Variants in GALNTL6 observed in about 807,000 individuals in gnomAD.
GALNTL6 encodes polypeptide N-acetylgalactosaminyltransferase like 6.
In GALNTL6, 46 loss-of-function variants were observed where a neutral mutation model predicts 73.7. That is an observed-to-expected ratio of 0.62 (90% CI 0.49 to 0.80). The LOEUF is 0.80. GALNTL6 is among the 30% of genes least tolerant of loss of function. The pLI is 0.00. For synonymous variants in GALNTL6, 259 were observed against 263.7 expected, an observed-to-expected ratio of 0.98 and a Z score of 0.17; for missense variants, 604 against 755.0, an observed-to-expected ratio of 0.80 and a Z score of 2.34.
At chr4:172,556,019 C>G (rs1304186615) in intron 5 of GALNTL6, among the ~76,000 whole-genome samples, 2 of 152,110 alleles carry the variant, frequency 1.3e-5, no homozygotes, top group South Asian at 2.1e-4. Flanking sequence ...TTTAAATTTG[C>G]AAACTCAACA....
At chr4:172,219,430 C>T (rs1279755808) in intron 2 of GALNTL6, among the ~76,000 whole-genome samples, 1 of 151,310 alleles carries the variant, frequency 6.6e-6, no homozygotes, top group East Asian at 1.9e-4. Flanking sequence ...ATTAATATGC[C>T]ATTCAATTCC....
chr4:172,521,537 C>T (rs181826100), intron 5 of GALNTL6, among the ~76,000 whole-genome samples: 2 of 152,234 alleles, frequency 1.3e-5, no homozygotes, highest in Admixed American at 6.5e-5. Context: ...TTAGAGCAGC[C>T]AATTCTCAGA....
chr4:172,982,565 G>A (rs1351811931), intron 10 of GALNTL6, among the ~76,000 whole-genome samples: 4 of 152,150 alleles, frequency 2.6e-5, no homozygotes, highest in Non-Finnish European at 4.4e-5. Context: ...CAATTAGTGT[G>A]GGGCTTTCAC....
intron 5 of GALNTL6, among the ~76,000 whole-genome samples, chr4:172,740,379 G>T (rs1736726910): frequency 6.6e-6 from 1 of 152,146 alleles, no homozygotes; most frequent in African/African-American, 2.4e-5. Context: ...TTGCAGCATG[G>T]CTGCCTTCAC....
intron 5 of GALNTL6, among the ~76,000 whole-genome samples, chr4:172,476,040 C>T (rs1224811321): frequency 6.6e-6 from 1 of 152,180 alleles, no homozygotes; most frequent in African/African-American, 2.4e-5. Flanking sequence ...CCTCAAGCAC[C>T]AGTAGTTCCT....
At chr4:172,210,034 A>G (rs1736273137) in intron 2 of GALNTL6, among the ~76,000 whole-genome samples, 2 of 152,108 alleles carry the variant, frequency 1.3e-5, no homozygotes, top group South Asian at 4.1e-4. Context: ...AAGAATGAAT[A>G]ATGTTGACAA....
chr4:172,691,622 T>C lies in GALNTL6; in HGVS notation c.554-117739T>C, dbSNP rs1459454443. Among the ~76,000 whole-genome samples the C allele has an allele frequency of 2.0e-5, 3 of 152,242 alleles. No individual in the cohort carries two copies. In the East Asian group the frequency reaches 5.8e-4, roughly 29 times the overall value. On this transcript the variant is annotated intron_variant, in intron 5 of 12. Transcript: ENST00000506823. ...ATGTCTGGAGGGCCCACAGAGATGG[T>C]CAGGCAAGGCAGATGACTCTGCCCC...
At chr4:171,876,170 G>A (rs1339234857) in intron 2 of GALNTL6, among the ~76,000 whole-genome samples, 1 of 151,690 alleles carries the variant, frequency 6.6e-6, no homozygotes, top group Non-Finnish European at 1.5e-5. Flanking sequence ...CATTTTAAAA[G>A]TAGAAATGGC....
intron 2 of GALNTL6, among the ~76,000 whole-genome samples, chr4:172,191,248 T>A (rs1419591240): frequency 6.6e-6 from 1 of 152,236 alleles, no homozygotes; most frequent in Non-Finnish European, 1.5e-5. Flanking sequence ...ATCAAACACC[T>A]ATGTCATCCA....
intron 7 of GALNTL6, among the ~76,000 whole-genome samples, chr4:172,815,792 G>A (rs1741570192): frequency 6.6e-6 from 1 of 152,124 alleles, no homozygotes; most frequent in Non-Finnish European, 1.5e-5. Flanking sequence ...GTCAAAATTT[G>A]CATTCATCTA....
chr4:172,246,802 T>TTATA (rs35337142), intron 3 of GALNTL6, among the ~76,000 whole-genome samples: 1,883 of 147,422 alleles, frequency 0.013, 35 homozygotes, highest in African/African-American at 0.042. Flanking sequence ...GCCAGGCGAT[T>TTATA]TATATATATA....
At chr4:172,481,491 T>C (rs572723037) in intron 5 of GALNTL6, among the ~76,000 whole-genome samples, 5 of 152,228 alleles carry the variant, frequency 3.3e-5, no homozygotes, top group African/African-American at 1.2e-4. Context: ...TCCTGCTGAT[T>C]GGCCTATTTT....
intron 5 of GALNTL6, among the ~76,000 whole-genome samples, chr4:172,439,049 T>G (rs1385723055): frequency 2.0e-5 from 3 of 151,996 alleles, no homozygotes; most frequent in Non-Finnish European, 4.4e-5. Flanking sequence ...CTCATTGTTA[T>G]AAATATTTCC....
intron 9 of GALNTL6, among the ~76,000 whole-genome samples, chr4:172,935,780 G>T (rs923707826): frequency 1.3e-5 from 2 of 152,152 alleles, no homozygotes; most frequent in Non-Finnish European, 2.9e-5. Context: ...TGAAATTGAG[G>T]CAGTAATTAA....
At position 172,576,081 on chromosome 4, in the gene GALNTL6, G is replaced by A. The variant is rs573618367; in HGVS notation, c.553+227392G>A. Among the ~76,000 whole-genome samples, 11 of 152,174 alleles carry A rather than the reference G, an allele frequency of 7.2e-5. No individual in the cohort carries two copies. The South Asian group carries it at 2.3e-3, about 32-fold the overall frequency. On this transcript the variant is annotated intron_variant, in intron 5 of 12. Coordinates refer to ENST00000506823, the MANE Select transcript of GALNTL6 (RefSeq NM_001034845.3). The stretch of plus-strand genomic sequence containing the variant: ...TTTTCATCCATCTCTGCTTTTCTAA[G>A]TACTTCTTTTATTTAAAGCTGCCTC...
chr4:172,767,667 CTT>C (rs1553986523), intron 5 of GALNTL6, among the ~76,000 whole-genome samples: 2 of 118,096 alleles, frequency 1.7e-5, no homozygotes, highest in Non-Finnish European at 3.4e-5. Flanking sequence ...GATTTTTTTT[CTT>C]TTTTTTTTTT....
intron 10 of GALNTL6, among the ~76,000 whole-genome samples, chr4:172,955,617 T>C (rs1749701566): frequency 6.6e-6 from 1 of 152,202 alleles, no homozygotes. Flanking sequence ...TTGGAATAAT[T>C]TTAAATTTAC....
chr4:172,953,865 A>G (rs893237301), intron 10 of GALNTL6, among the ~76,000 whole-genome samples: 1 of 152,248 alleles, frequency 6.6e-6, no homozygotes, highest in Admixed American at 6.5e-5. Flanking sequence ...GCCTGCTTGT[A>G]TTAATTTAAC....
intron 10 of GALNTL6, among the ~76,000 whole-genome samples, chr4:173,006,545 A>T (rs1166561555): frequency 2.0e-5 from 3 of 152,182 alleles, no homozygotes; most frequent in Non-Finnish European, 2.9e-5. Context: ...ATTTTACAAA[A>T]CGTGTATTTT....
Sources: gnomAD v4.1 joint callset for allele counts (sites outside exome capture counted in the v4.1 genomes callset) on GRCh38, gnomAD v4.1.1 for gene constraint, MANE v1.5 for transcripts, NCBI Gene and HGNC (gene_info 2026-07-23, HGNC 2026-07-21) for gene names.